The following CHN2 variants were observed in gnomAD, a reference collection of about 807,000 sequenced individuals.
CHN2 encodes beta-chimaerin.
Under a neutral mutation model 56.3 loss-of-function variants are expected in CHN2, and 35 were observed. That is an observed-to-expected ratio of 0.62 (90% CI 0.47 to 0.82). CHN2 has a LOEUF of 0.82. Ranked by LOEUF, CHN2 falls within the 40% of genes least tolerant of loss-of-function variation. The pLI, the probability that CHN2 is intolerant of heterozygous loss-of-function variation, is 0.00. For synonymous variants in CHN2, 210 were observed against 212.8 expected (o/e 0.99, Z 0.12); for missense variants, 491 against 580.5 (o/e 0.85, Z 1.58).
At chr7:29,317,254 TA>T (rs1370734118) in intron 1 of CHN2, among the ~76,000 whole-genome samples, 2 of 152,222 alleles carry the variant, frequency 1.3e-5, no homozygotes, top group Non-Finnish European at 2.9e-5. Context: ...TCTGCAAATT[TA>T]AAAGTCACTT....
intron 1 of CHN2, among the ~76,000 whole-genome samples, chr7:29,273,351 A>ATATATATATATATATATATGTGTGTG (rs1790857384): frequency 4.0e-5 from 2 of 49,832 alleles, no homozygotes; most frequent in African/African-American, 7.6e-5. Flanking sequence ...GTGTATATAT[A>ATATATATATATATATATATGTGTGTG]TATATATATA....
chr7:29,305,262 G>A (rs1463140144), intron 1 of CHN2, among the ~76,000 whole-genome samples: 2 of 152,092 alleles, frequency 1.3e-5, no homozygotes, highest in African/African-American at 2.4e-5. Context: ...GTTTCAAAGA[G>A]GTATAAAAGA....
intron 2 of CHN2, among the ~76,000 whole-genome samples, chr7:29,179,212 C>A (rs1433307374): frequency 6.6e-6 from 1 of 152,198 alleles, no homozygotes. Flanking sequence ...TGGGAGAACC[C>A]TTCAGAAGGC....
rs568898416 is a variant in CHN2 at position 29,282,248 on chromosome 7, C to T, written c.50-72377C>T. On this transcript the variant is annotated intron_variant, in intron 1 of 12. Coordinates refer to ENST00000222792, the MANE Select transcript of CHN2 (RefSeq NM_004067.4). The stretch of plus-strand genomic sequence containing the variant: ...GTTGTCTCTTATTGAGATAGCTCCT[C>T]AGTTCAGTTCAACAGATTGTGATTG... Among the ~76,000 whole-genome samples, 4 of 152,340 alleles carry T rather than the reference C, an allele frequency of 2.6e-5. No individual in the cohort carries two copies. In the East Asian group the frequency reaches 7.7e-4, roughly 29 times the overall value.
intron 1 of CHN2, among the ~76,000 whole-genome samples, chr7:29,260,481 G>A (rs961171400): frequency 6.6e-6 from 1 of 152,140 alleles, no homozygotes. Context: ...AGCTTTTTGG[G>A]CCACTGAGTG....
chr7:29,505,054 A>G (rs1224741031), intron 10 of CHN2, among the ~76,000 whole-genome samples: 2 of 152,190 alleles, frequency 1.3e-5, no homozygotes, highest in South Asian at 4.1e-4. Context: ...ATGGCATTGG[A>G]GTACCCATCT....
At chr7:29,337,424 G>A (rs1018562421) in intron 1 of CHN2, among the ~76,000 whole-genome samples, 8 of 152,196 alleles carry the variant, frequency 5.3e-5, no homozygotes, top group Non-Finnish European at 1.2e-4. Context: ...CTGCCAGCAC[G>A]CAGTACAGCT....
intron 1 of CHN2, among the ~76,000 whole-genome samples, chr7:29,332,529 G>A (rs188229084): frequency 3.0e-4 from 45 of 152,180 alleles, no homozygotes; most frequent in Non-Finnish European, 5.4e-4. Flanking sequence ...ATGCTCTCTC[G>A]CAATGCTGGG....
At chr7:29,243,010 A>G (rs39081) in intron 1 of CHN2, among the ~76,000 whole-genome samples, 110,321 of 151,576 alleles carry the variant, frequency 0.73, 40,982 homozygotes, top group East Asian at 0.93. Context: ...CAAGCATACA[A>G]ATAAATATCA....
intron 3 of CHN2, among the ~76,000 whole-genome samples, chr7:29,383,883 T>C (rs1414751364): frequency 2.6e-5 from 4 of 152,140 alleles, no homozygotes; most frequent in Admixed American, 2.6e-4. Flanking sequence ...TAAAAGGATA[T>C]AGGGAGACCA....
At chr7:29,377,836 G>C (rs924488716) in intron 3 of CHN2, among the ~76,000 whole-genome samples, 1 of 152,196 alleles carries the variant, frequency 6.6e-6, no homozygotes, top group Non-Finnish European at 1.5e-5. Flanking sequence ...CTGCTTCAAC[G>C]ATAGTATCTT....
intron 6 of CHN2, among the ~76,000 whole-genome samples, chr7:29,433,167 AT>A (rs965359317): frequency 2.0e-5 from 3 of 151,486 alleles, no homozygotes. Flanking sequence ...GTGGGGGGAG[AT>A]TTTTTTTTGT....
chr7:29,416,336 G>A (rs986301774), intron 6 of CHN2, among the ~76,000 whole-genome samples: 6 of 152,170 alleles, frequency 3.9e-5, no homozygotes, highest in African/African-American at 1.4e-4. Context: ...TAGAAGCTAT[G>A]AAAAAGTTAT....
chr7:29,278,531 A>C (rs765231125), intron 1 of CHN2, among the ~76,000 whole-genome samples: 2 of 151,750 alleles, frequency 1.3e-5, no homozygotes, highest in African/African-American at 4.8e-5. Context: ...CAGGCAGCTC[A>C]TTAGTAGGTT....
intron 6 of CHN2, among the ~76,000 whole-genome samples, chr7:29,421,028 G>A (rs1216865935): frequency 1.3e-5 from 2 of 152,064 alleles, no homozygotes; most frequent in African/African-American, 4.8e-5. Context: ...CTTGAGCTCA[G>A]GTGATCCACC....
rs368163825 is a variant in CHN2, at chr7:29,504,729, C to G, written c.914-15C>G. 3.2e-6 allele frequency: 5 copies of G among 1,549,628 alleles called. No homozygotes were observed. Among genetic ancestry groups the G allele is most frequent in the African/African-American group, 2.7e-5 (2 of 72,838 alleles). ...TCAAGAAGCTAAAGTCAGTCTCTCT[C>G]TCTCTCTCTAACAGGATTAAAATCG... On this transcript the variant is annotated splice_polypyrimidine_tract_variant and intron_variant, in intron 9 of 12. Transcript: ENST00000222792.
intron 6 of CHN2, among the ~76,000 whole-genome samples, chr7:29,420,272 A>G (rs1030051364): frequency 9.2e-5 from 14 of 152,200 alleles, no homozygotes; most frequent in African/African-American, 3.4e-4. Context: ...ACTTCTGGGT[A>G]TATAGCCAAA....
At chr7:29,155,099 G>A (rs1464066459) in intron 2 of CHN2, among the ~76,000 whole-genome samples, 1 of 152,066 alleles carries the variant, frequency 6.6e-6, no homozygotes, top group African/African-American at 2.4e-5. Flanking sequence ...CTGCCCCCAT[G>A]ATTCAATTAC....
intron 1 of CHN2, among the ~76,000 whole-genome samples, chr7:29,353,051 A>G (rs1374155654): frequency 6.6e-6 from 1 of 152,236 alleles, no homozygotes; most frequent in Non-Finnish European, 1.5e-5. Context: ...ATGGTAAACC[A>G]TCACTAACGC....
Sources: gnomAD v4.1 joint callset for allele counts (sites outside exome capture counted in the v4.1 genomes callset) on GRCh38, gnomAD v4.1.1 for gene constraint, MANE v1.5 for transcripts, NCBI Gene and HGNC (gene_info 2026-07-23, HGNC 2026-07-21) for gene names.